The following DCHS2 variants were observed in gnomAD, a reference collection of about 807,000 sequenced individuals.
DCHS2 encodes the protein protocadherin-23.
DCHS2 carries 142 observed loss-of-function variants against 182.4 expected under a neutral mutation model. The observed-to-expected ratio is 0.78, with a 90% CI of 0.68 to 0.89. DCHS2 has a LOEUF of 0.89. DCHS2 is among the 40% of genes least tolerant of loss of function. The probability of loss-of-function intolerance (pLI) is 0.00; values close to 1 mark genes in which losing one functional copy is unlikely to be tolerated. For missense variants in DCHS2, 4,319 were observed against 4,198.6 expected (o/e 1.03, Z -0.79); for synonymous variants, 1,740 against 1,663.3 (o/e 1.05, Z -1.12).
At chr4:154,409,804 G>T (rs561488908) in intron 1 of DCHS2, among the ~76,000 whole-genome samples, 1 of 152,134 alleles carries the variant, frequency 6.6e-6, no homozygotes, top group African/African-American at 2.4e-5. Context: ...AGAAGAAAAG[G>T]TCCCAAAAGC....
At chr4:154,301,774 A>G (rs1735201483) in intron 12 of DCHS2, among the ~76,000 whole-genome samples, 1 of 152,178 alleles carries the variant, frequency 6.6e-6, no homozygotes, top group Non-Finnish European at 1.5e-5. Flanking sequence ...AAGTGGTGGG[A>G]TTACAGGCGT....
Position 154,232,794 on chromosome 4 carries a change from C to T in DCHS2, c.*1742G>A, listed in dbSNP as rs1047474892. On this transcript the variant is annotated 3_prime_UTR_variant, in exon 20 of 20. Transcript: ENST00000357232. ...CAGATGCCAGGAAGAAAAGGAGAAA[C>T]ATCATATATCAGTCCCATAGTATTT... is the stretch of plus-strand genomic sequence containing the variant. 6.6e-6 allele frequency: 1 copy of T among 151,666 alleles called. No individual in the cohort carries two copies. The highest frequency in any genetic ancestry group is 1.5e-5 in the Non-Finnish European group (1 of 67,922). 9.4% of individuals were successfully genotyped at this position (151,666 alleles called of 1,614,324 possible).
At chr4:154,453,118 C>T (rs747362243) in intron 1 of DCHS2, among the ~76,000 whole-genome samples, 11 of 151,912 alleles carry the variant, frequency 7.2e-5, no homozygotes, top group Non-Finnish European at 1.2e-4. Flanking sequence ...TGAGACCATC[C>T]CGTGCATGCA....
intron 1 of DCHS2, among the ~76,000 whole-genome samples, chr4:154,402,655 T>C (rs983182213): frequency 1.3e-5 from 2 of 152,220 alleles, no homozygotes; most frequent in Non-Finnish European, 2.9e-5. Context: ...CAGCAGGGAC[T>C]TGCCTTGTCT....
rs553186984 is a variant in DCHS2 at position 154,484,106 on chromosome 4, A to G, written c.2052+5198T>C. Among the ~76,000 whole-genome samples, 290 of 152,330 alleles carry G rather than the reference A, an allele frequency of 1.9e-3. 3 individuals are homozygous for G. The highest frequency in any genetic ancestry group is 6.5e-3 in the African/African-American group (271 of 41,574). On this transcript the variant is annotated intron_variant, in intron 1 of 19. Transcript: ENST00000357232. ...CTATTCTTCCCACTAATCCAGATGG[A>G]AAACATGGTGTTATTTTTTACTCCT... is the stretch of plus-strand genomic sequence containing the variant.
At chr4:154,452,840 G>T (rs929911667) in intron 1 of DCHS2, among the ~76,000 whole-genome samples, 1 of 152,150 alleles carries the variant, frequency 6.6e-6, no homozygotes, top group Non-Finnish European at 1.5e-5. Context: ...ATAGAACCAG[G>T]CAGCTGGAAG....
intron 1 of DCHS2, among the ~76,000 whole-genome samples, chr4:154,417,248 AGAG>A (rs1481733139): frequency 3.6e-5 from 5 of 140,060 alleles, no homozygotes; most frequent in African/African-American, 1.4e-4. Context: ...AGAGAGAGAG[AGAG>A]ACCAGTCAGG....
At position 154,239,177 on chromosome 4, in the gene DCHS2, A is replaced by C. The variant is rs768187988; in HGVS notation, c.7485T>G (p.Pro2495=). Residue 2495 remains proline, a synonymous_variant, in exon 19 of 20, where the codon CCT becomes CCG. Coordinates refer to ENST00000357232, the MANE Select transcript of DCHS2 (RefSeq NM_001358235.2). ...CAATTATAAATAACTCACCATTCTTAGGATCAATGGAGAATTCCTTAGAAG... is the reference window on the plus strand; with the variant it reads ...CAATTATAAATAACTCACCATTCTTCGGATCAATGGAGAATTCCTTAGAAG... ...LSSSKEFSID[P]KNGTIFTISP... The C allele has an allele frequency of 6.2e-7, 1 of 1,611,754 alleles. No individual in the cohort carries two copies. The highest frequency in any genetic ancestry group is 1.1e-5 in the South Asian group (1 of 90,810).
intron 9 of DCHS2, among the ~76,000 whole-genome samples, chr4:154,317,324 A>G (rs1025457990): frequency 2.6e-5 from 4 of 152,236 alleles, no homozygotes; most frequent in Non-Finnish European, 4.4e-5. Flanking sequence ...AACACATTCC[A>G]AGTATTACTG....
At chr4:154,361,160 G>C (rs1730100426) in intron 3 of DCHS2, among the ~76,000 whole-genome samples, 1 of 152,048 alleles carries the variant, frequency 6.6e-6, no homozygotes, top group Admixed American at 6.6e-5. Flanking sequence ...TTTAACCAAT[G>C]GTTGCCTGAA....
chr4:154,367,671 A>G (rs1730448100), intron 2 of DCHS2, among the ~76,000 whole-genome samples: 1 of 152,162 alleles, frequency 6.6e-6, no homozygotes, highest in African/African-American at 2.4e-5. Context: ...ATCCTTGGTA[A>G]GTCACAACAG....
At chr4:154,414,623 C>G (rs551935678) in intron 1 of DCHS2, among the ~76,000 whole-genome samples, 2 of 151,362 alleles carry the variant, frequency 1.3e-5, no homozygotes, top group South Asian at 4.2e-4. Flanking sequence ...CACTAACTGT[C>G]ACTGGACTGC....
At chr4:154,401,485 G>A (rs900242310) in intron 1 of DCHS2, among the ~76,000 whole-genome samples, 2 of 152,136 alleles carry the variant, frequency 1.3e-5, no homozygotes, top group Non-Finnish European at 2.9e-5. Flanking sequence ...AGTTCCAGCT[G>A]CTGCTCCACA....
intron 7 of DCHS2, among the ~76,000 whole-genome samples, chr4:154,324,600 A>G (rs1736205456): frequency 6.6e-6 from 1 of 152,214 alleles, no homozygotes; most frequent in African/African-American, 2.4e-5. Context: ...GTATTCTTCA[A>G]TAAAATCTGA....
chr4:154,299,277 G>A, intron 12 of DCHS2, among the ~76,000 whole-genome samples: 1 of 152,132 alleles, frequency 6.6e-6, no homozygotes, highest in East Asian at 1.9e-4. Context: ...GTTAGAGTTA[G>A]TTGGACACTT....
At chr4:154,281,669 G>A (rs115161315) in intron 13 of DCHS2, among the ~76,000 whole-genome samples, 130 of 152,110 alleles carry the variant, frequency 8.5e-4, no homozygotes, top group African/African-American at 2.7e-3. Flanking sequence ...TGTAGAGTTC[G>A]TATAAGCTAC....
At chr4:154,344,928 G>A (rs557405428) in intron 3 of DCHS2, among the ~76,000 whole-genome samples, 25 of 152,344 alleles carry the variant, frequency 1.6e-4, no homozygotes, top group African/African-American at 4.6e-4. Context: ...AAGGTCTTGC[G>A]TGGCTGACAT....
rs1047604264 is a variant in DCHS2 at position 154,317,696 on chromosome 4, T to A, written c.5021-1709A>T. Among the ~76,000 whole-genome samples the A allele has an allele frequency of 2.6e-5, 4 of 152,178 alleles. No individual in the cohort carries two copies. In the East Asian group the frequency reaches 7.7e-4, roughly 29 times the overall value. On this transcript the variant is annotated intron_variant, in intron 9 of 19. Transcript: ENST00000357232. ...TGAAAATCAGGTAGGAGGTTCATTTTTAAAGTCATAAGACTGAAAATTTGT... is the reference window on the plus strand; with the variant it reads ...TGAAAATCAGGTAGGAGGTTCATTTATAAAGTCATAAGACTGAAAATTTGT...
intron 14 of DCHS2, among the ~76,000 whole-genome samples, chr4:154,267,907 G>A (rs937539850): frequency 5.3e-5 from 8 of 152,106 alleles, no homozygotes; most frequent in African/African-American, 1.9e-4. Flanking sequence ...AGGGTCACTC[G>A]TTTCAGGGGA....
Sources: allele counts gnomAD v4.1 joint callset (sites outside exome capture counted in the v4.1 genomes callset), GRCh38; gene constraint gnomAD v4.1.1; transcripts MANE v1.5; gene names NCBI Gene and HGNC (gene_info 2026-07-23, HGNC 2026-07-21).